DCC: variants seen among roughly 807,000 people sequenced by gnomAD.
The protein encoded by DCC is DCC netrin 1 receptor.
In DCC, 58 loss-of-function variants were observed where a neutral mutation model predicts 172.5. That is an observed-to-expected ratio of 0.34 (90% CI 0.27 to 0.42). The LOEUF (loss-of-function observed/expected upper bound fraction) is 0.42, where lower values mean the gene tolerates loss of function less well. Among genes scored for constraint, DCC ranks in the 10% least tolerant of loss-of-function variants. The probability of loss-of-function intolerance (pLI) is 1.00; values close to 1 mark genes in which losing one functional copy is unlikely to be tolerated. For missense variants in DCC, 1,740 were observed against 1,791.0 expected (o/e 0.97, Z 0.51); for synonymous variants, 709 against 644.5 (o/e 1.10, Z -1.52).
chr18:52,431,428 A>G (rs1484752016), intron 1 of DCC, among the ~76,000 whole-genome samples: 1 of 152,158 alleles, frequency 6.6e-6, no homozygotes, highest in Non-Finnish European at 1.5e-5. Context: ...CTTTCAATAC[A>G]ACATATATTT....
intron 5 of DCC, among the ~76,000 whole-genome samples, chr18:52,979,360 G>A (rs950964306): frequency 6.6e-6 from 1 of 152,130 alleles, no homozygotes; most frequent in Non-Finnish European, 1.5e-5. Flanking sequence ...AAGCTGTGAA[G>A]GAGCATTTAC....
intron 9 of DCC, among the ~76,000 whole-genome samples, chr18:53,179,740 G>A (rs1431425483): frequency 1.3e-5 from 2 of 152,070 alleles, no homozygotes; most frequent in Non-Finnish European, 2.9e-5. Context: ...TAAAGGAAGA[G>A]CTCCAGAATT....
At chr18:53,520,338 A>G (rs1257724344) in intron 27 of DCC, among the ~76,000 whole-genome samples, 3 of 152,150 alleles carry the variant, frequency 2.0e-5, no homozygotes, top group Non-Finnish European at 4.4e-5. Flanking sequence ...CCTGACGACT[A>G]CATTGCCTTC....
At chr18:53,497,834 G>A (rs1295159293) in intron 26 of DCC, among the ~76,000 whole-genome samples, 1 of 152,078 alleles carries the variant, frequency 6.6e-6, no homozygotes, top group Non-Finnish European at 1.5e-5. Flanking sequence ...CTTCTTCTTT[G>A]GTAAGAAAGA....
At chr18:53,138,522 C>T (rs1167040106) in intron 7 of DCC, among the ~76,000 whole-genome samples, 3 of 152,166 alleles carry the variant, frequency 2.0e-5, no homozygotes, top group Non-Finnish European at 1.5e-5. Context: ...AGAATGATTT[C>T]TGACATAATT....
At chr18:53,179,673 A>G (rs1443430652) in intron 9 of DCC, among the ~76,000 whole-genome samples, 2 of 152,144 alleles carry the variant, frequency 1.3e-5, no homozygotes, top group African/African-American at 2.4e-5. Context: ...TTTTTTCACA[A>G]AGTAGAGCAG....
At chr18:52,958,760 G>A (rs1417586797) in intron 5 of DCC, among the ~76,000 whole-genome samples, 14 of 151,756 alleles carry the variant, frequency 9.2e-5, no homozygotes, top group Admixed American at 9.2e-4. Flanking sequence ...AATATTGAAG[G>A]AGGAGAGACA....
rs565649193 is a variant in DCC at position 53,473,679 on chromosome 18, G to A, written c.3736+5669G>A. 2.0e-5 allele frequency among the ~76,000 whole-genome samples: 3 copies of A among 152,252 alleles called. No individual in the cohort carries two copies. The South Asian group carries it at 6.2e-4, about 32-fold the overall frequency. ...CCTGATTTTACACATGGGAAACAGC[G>A]ACTCAGACAGCTTAAGCAACTTCCT... On this transcript the variant is annotated intron_variant, in intron 25 of 28. Transcript: ENST00000442544.
chr18:53,435,348 G>A, intron 22 of DCC, 139 bp downstream of exon 22: 1 of 621,918 alleles, frequency 1.6e-6, no homozygotes, highest in South Asian at 1.9e-5. Flanking sequence ...ATAGAAACAT[G>A]AAGTTATTAA....
Position 53,138,107 on chromosome 18 carries a change from C to T in DCC, c.1262-19249C>T, listed in dbSNP as rs570078898. Among the ~76,000 whole-genome samples the T allele has an allele frequency of 1.6e-3, 246 of 152,194 alleles. 1 individual carries two copies. Among genetic ancestry groups the T allele is most frequent in the African/African-American group, 5.7e-3 (236 of 41,534 alleles). ...CCTCCCAAAGTGCTGAGATTACAAG[C>T]ATGAGCCATTGTGCCCAGGGAGTAG... is the stretch of plus-strand genomic sequence containing the variant. On this transcript the variant is annotated intron_variant, in intron 7 of 28. Transcript: ENST00000442544.
At chr18:53,095,790 A>G (rs1227360392) in intron 7 of DCC, among the ~76,000 whole-genome samples, 1 of 102,954 alleles carries the variant, frequency 9.7e-6, no homozygotes, top group Non-Finnish European at 1.9e-5. Flanking sequence ...GGATATGGAT[A>G]TCTTTTTTTT....
At chr18:52,508,232 C>T (rs547065210) in intron 1 of DCC, among the ~76,000 whole-genome samples, 6 of 152,126 alleles carry the variant, frequency 3.9e-5, no homozygotes, top group Non-Finnish European at 7.4e-5. Flanking sequence ...CAGTATTTCA[C>T]CTACTAACAG....
intron 1 of DCC, among the ~76,000 whole-genome samples, chr18:52,664,434 T>A (rs543146524): frequency 4.6e-5 from 7 of 151,698 alleles, no homozygotes; most frequent in Non-Finnish European, 1.0e-4. Flanking sequence ...CATAAATCAG[T>A]TCAGTGGCCC....
intron 1 of DCC, among the ~76,000 whole-genome samples, chr18:52,455,489 A>G (rs543807012): frequency 1.3e-5 from 2 of 152,292 alleles, no homozygotes; most frequent in Admixed American, 1.3e-4. Flanking sequence ...ACCTGGAACA[A>G]TGGTTTCTGC....
chr18:52,828,126 G>A (rs1411803161), intron 2 of DCC, among the ~76,000 whole-genome samples: 1 of 152,032 alleles, frequency 6.6e-6, no homozygotes, highest in Non-Finnish European at 1.5e-5. Flanking sequence ...TACATTATCT[G>A]TTTTAGTAGC....
chr18:53,224,306 G>A (rs1376085880), intron 12 of DCC, among the ~76,000 whole-genome samples: 1 of 152,122 alleles, frequency 6.6e-6, no homozygotes, highest in Non-Finnish European at 1.5e-5. Context: ...AACAACTAGG[G>A]CAAAAGCAGT....
intron 7 of DCC, among the ~76,000 whole-genome samples, chr18:53,088,006 C>G (rs937047023): frequency 1.3e-5 from 2 of 152,064 alleles, no homozygotes; most frequent in African/African-American, 2.4e-5. Flanking sequence ...GTTACTGTAG[C>G]CTTGTAGTAT....
chr18:52,868,528 C>T (rs900426035), intron 2 of DCC, among the ~76,000 whole-genome samples: 1 of 152,212 alleles, frequency 6.6e-6, no homozygotes, highest in Non-Finnish European at 1.5e-5. Flanking sequence ...CTCCATCTTG[C>T]TTCTAGCACA....
chr18:53,114,597 A>C (rs2144266068), intron 7 of DCC, among the ~76,000 whole-genome samples: 1 of 151,690 alleles, frequency 6.6e-6, no homozygotes, highest in Non-Finnish European at 1.5e-5. Flanking sequence ...TGTGTAGTGT[A>C]CATACCAAGC....
Sources: gnomAD v4.1 joint callset for allele counts (sites outside exome capture counted in the v4.1 genomes callset) on GRCh38, gnomAD v4.1.1 for gene constraint, MANE v1.5 for transcripts, NCBI Gene and HGNC (gene_info 2026-07-23, HGNC 2026-07-21) for gene names.